The following GNG2 variants were observed in gnomAD, a reference collection of about 807,000 sequenced individuals.
GNG2 encodes G protein subunit gamma 2, also known as guanine nucleotide-binding protein G(I)/G(S)/G(O) subunit gamma-2.
Under a neutral mutation model 5.5 loss-of-function variants are expected in GNG2, and 5 were observed. The observed-to-expected ratio is 0.91, with a 90% CI of 0.48 to 1.92. The LOEUF is 1.92. Among genes scored for constraint, GNG2 ranks in the 30% most tolerant of loss-of-function variants. The probability of loss-of-function intolerance (pLI) is 0.01; values close to 1 mark genes in which losing one functional copy is unlikely to be tolerated. For missense variants in GNG2, 55 were observed against 88.4 expected (o/e 0.62, Z 1.52); for synonymous variants, 28 against 32.0 (o/e 0.88, Z 0.42).
intron 2 of GNG2, among the ~76,000 whole-genome samples, chr14:51,884,647 G>A (rs887330072): frequency 2.0e-5 from 3 of 152,186 alleles, no homozygotes; most frequent in African/African-American, 4.8e-5. Context: ...GGTGCAGACC[G>A]AAGATCTGGG....
chr14:51,902,940 T>G (rs1290598658), intron 2 of GNG2, among the ~76,000 whole-genome samples: 1 of 152,116 alleles, frequency 6.6e-6, no homozygotes, highest in Non-Finnish European at 1.5e-5. Flanking sequence ...AAAAATTCAA[T>G]GCAGGAGAAC....
chr14:51,960,114 C>A (rs1354462069), intron 3 of GNG2, among the ~76,000 whole-genome samples: 1 of 151,926 alleles, frequency 6.6e-6, no homozygotes, highest in Non-Finnish European at 1.5e-5. Context: ...TCTTTAGGGA[C>A]TCCAATTATA....
At chr14:51,895,682 G>A (rs1375071412) in intron 2 of GNG2, among the ~76,000 whole-genome samples, 1 of 152,228 alleles carries the variant, frequency 6.6e-6, no homozygotes, top group Non-Finnish European at 1.5e-5. Flanking sequence ...GCTAGAGAAA[G>A]ATTTTCACAT....
chr14:51,942,595 T>TCCTTCTTTCTTTCTTTCTTTCTTTCTTTC (rs1413000965), intron 2 of GNG2, among the ~76,000 whole-genome samples: 1 of 125,380 alleles, frequency 8.0e-6, no homozygotes, highest in Non-Finnish European at 1.7e-5. Context: ...CTTTCTTTTT[T>TCCTTCTTTCTTTCTTTCTTTCTTTCTTTC]TTTTTTTTTT....
chr14:51,861,025 A>G (rs956253950), intron 1 of GNG2, among the ~76,000 whole-genome samples: 1 of 152,176 alleles, frequency 6.6e-6, no homozygotes, highest in African/African-American at 2.4e-5. Context: ...CATGCTAAAT[A>G]CAAGAAGCTG....
intron 2 of GNG2, among the ~76,000 whole-genome samples, chr14:51,927,110 T>C (rs1046371691): frequency 1.3e-5 from 2 of 152,290 alleles, no homozygotes; most frequent in Non-Finnish European, 1.5e-5. Context: ...ATTCACGTTT[T>C]CTTTTGTAAG....
intron 2 of GNG2, among the ~76,000 whole-genome samples, chr14:51,908,528 ATCT>A (rs1886080533): frequency 2.9e-3 from 10 of 3,462 alleles, no homozygotes; most frequent in Admixed American, 0.026. Flanking sequence ...TATTTTAAAG[ATCT>A]ATCTATCTAT....
intron 2 of GNG2, chr14:51,914,400 G>A: frequency 1.6e-6 from 1 of 630,326 alleles, no homozygotes; most frequent in South Asian, 1.8e-5. Flanking sequence ...TCTTCTTGAA[G>A]GATCCTTGTG....
chr14:51,901,753 T>A, intron 2 of GNG2, among the ~76,000 whole-genome samples: 1 of 128,942 alleles, frequency 7.8e-6, no homozygotes, highest in African/African-American at 3.1e-5. Flanking sequence ...AGAATGGGGG[T>A]GCAGGGGCAG....
At chr14:51,915,455 C>A (rs1472525508) in intron 2 of GNG2, among the ~76,000 whole-genome samples, 1 of 152,072 alleles carries the variant, frequency 6.6e-6, no homozygotes, top group Non-Finnish European at 1.5e-5. Flanking sequence ...ACAAAAGACA[C>A]CTAAGCTGCT....
intron 2 of GNG2, among the ~76,000 whole-genome samples, chr14:51,913,922 A>G (rs1250288839): frequency 6.6e-6 from 1 of 152,258 alleles, no homozygotes; most frequent in African/African-American, 2.4e-5. Context: ...TAAAAGTTAC[A>G]TATATCCAAA....
intron 2 of GNG2, among the ~76,000 whole-genome samples, chr14:51,935,028 T>C (rs1887899718): frequency 1.3e-5 from 2 of 148,760 alleles, no homozygotes; most frequent in African/African-American, 4.9e-5. Context: ...TTTCTTTCTT[T>C]TTTTTTTTTT....
intron 2 of GNG2, among the ~76,000 whole-genome samples, chr14:51,928,671 A>G (rs747322315): frequency 2.0e-5 from 3 of 152,188 alleles, no homozygotes; most frequent in East Asian, 1.9e-4. Flanking sequence ...GGAGAGAGAG[A>G]CGTGACTTTT....
At chr14:51,867,815 TA>T (rs1296086076) in intron 1 of GNG2, among the ~76,000 whole-genome samples, 4 of 152,068 alleles carry the variant, frequency 2.6e-5, no homozygotes, top group South Asian at 2.1e-4. Context: ...TTTTCCCCAA[TA>T]AAAAAACAAT....
chr14:51,892,716 C>T (rs185752515), intron 2 of GNG2, among the ~76,000 whole-genome samples: 124 of 152,344 alleles, frequency 8.1e-4, no homozygotes, highest in African/African-American at 2.9e-3. Context: ...TGCCTCCCTC[C>T]TCCCCCATGT....
chr14:51,849,017 CT>C (rs934559744), intron 2 of GNG2, among the ~76,000 whole-genome samples: 7 of 152,158 alleles, frequency 4.6e-5, no homozygotes, highest in African/African-American at 1.2e-4. Context: ...ACAATATATA[CT>C]TTTTTTCTCT....
intron 2 of GNG2, among the ~76,000 whole-genome samples, chr14:51,853,955 A>G (rs998332868): frequency 4.7e-5 from 7 of 150,148 alleles, no homozygotes; most frequent in East Asian, 2.0e-4. Flanking sequence ...CAGTGGCACT[A>G]TCTTGGCTTA....
At chr14:51,959,734 A>ATTGC (rs1555358561) in intron 3 of GNG2, among the ~76,000 whole-genome samples, 52,162 of 149,904 alleles carry the variant, frequency 0.35, 9,489 homozygotes, top group Non-Finnish European at 0.39. Flanking sequence ...CTACCAAAAG[A>ATTGC]TTATTTTCTT....
intron 3 of GNG2, among the ~76,000 whole-genome samples, chr14:51,962,928 A>G (rs1889697510): frequency 6.6e-6 from 1 of 152,228 alleles, no homozygotes; most frequent in Admixed American, 6.5e-5. Context: ...ATTGAGACTC[A>G]CAACTCAGTA....
Sources: allele counts gnomAD v4.1 joint callset (sites outside exome capture counted in the v4.1 genomes callset), GRCh38; gene constraint gnomAD v4.1.1; transcripts MANE v1.5; gene names NCBI Gene and HGNC (gene_info 2026-07-23, HGNC 2026-07-21).